Variants in N4BP2L2 observed in about 807,000 individuals in gnomAD.
N4BP2L2 encodes NEDD4 binding protein 2 like 2, also known as NEDD4-binding protein 2-like 2.
A neutral mutation model predicts 56.2 loss-of-function variants in N4BP2L2; 50 were observed. The ratio of observed to expected loss-of-function variants is 0.89; its 90% CI spans 0.71 to 1.13. N4BP2L2 has a LOEUF of 1.13. Ranked by LOEUF, N4BP2L2 falls within the 50% of genes most tolerant of loss-of-function variation. The pLI is 0.00. For synonymous variants in N4BP2L2, 203 were observed against 223.6 expected (o/e 0.91, Z 0.82); for missense variants, 689 against 693.8 (o/e 0.99, Z 0.08).
intron 6 of N4BP2L2, among the ~76,000 whole-genome samples, chr13:32,504,063 T>C (rs1416646282): frequency 6.6e-6 from 1 of 152,216 alleles, no homozygotes; most frequent in Non-Finnish European, 1.5e-5. Flanking sequence ...TCCCCTGATG[T>C]ATGTAAAACT....
At chr13:32,514,576 G>C (rs1484357388) in exon 6 of N4BP2L2, 1 of 152,120 alleles carries the variant, frequency 6.6e-6, no homozygotes, top group Non-Finnish European at 1.5e-5. Flanking sequence ...GGTAGGCTGA[G>C]GCAGGAGGAT....
intron 2 of N4BP2L2, among the ~76,000 whole-genome samples, chr13:32,530,366 T>C (rs2054369048): frequency 6.6e-6 from 1 of 152,192 alleles, no homozygotes; most frequent in Admixed American, 6.5e-5. Context: ...TAGGAATATC[T>C]GAATGTCTTA....
Position 32,514,150 on chromosome 13 carries a change from A to T in N4BP2L2, c.*3652T>A, listed in dbSNP as rs1008798081. 2.0e-5 allele frequency: 3 copies of T among 152,198 alleles called. No individual in the cohort carries two copies. The South Asian group carries it at 6.2e-4, about 31-fold the overall frequency. 9.4% of individuals were successfully genotyped at this position (152,198 alleles called of 1,614,324 possible). A position where few individuals can be genotyped will look rare whatever the true frequency, so the allele number is the denominator to read the frequency against. On this transcript the variant is annotated 3_prime_UTR_variant, in exon 6 of 6. Transcript: ENST00000267068. ...ATTAAAAAAATTCAGTCTTTTGTAA[A>T]TAATCTTACTTTTAAAACAGACAAA...
intron 6 of N4BP2L2, chr13:32,446,433 G>A: frequency 4.4e-6 from 6 of 1,357,826 alleles, no homozygotes; most frequent in Non-Finnish European, 5.9e-6. Flanking sequence ...AGACTAGTAT[G>A]TCATTCTGAA....
chr13:32,535,740 C>T (rs1477094340), intron 2 of N4BP2L2, 29 bp downstream of exon 2: 1 of 1,578,428 alleles, frequency 6.3e-7, no homozygotes, highest in East Asian at 2.2e-5. Flanking sequence ...AATGAATTAC[C>T]AAGTATTCAG....
At chr13:32,470,206 C>T (rs879754829) in intron 6 of N4BP2L2, among the ~76,000 whole-genome samples, 1 of 152,162 alleles carries the variant, frequency 6.6e-6, no homozygotes, top group Admixed American at 6.5e-5. Flanking sequence ...GACCGCTTGA[C>T]AATGGAACTG....
intron 6 of N4BP2L2, among the ~76,000 whole-genome samples, chr13:32,474,694 C>G (rs2082958733): frequency 6.6e-6 from 1 of 152,154 alleles, no homozygotes; most frequent in African/African-American, 2.4e-5. Context: ...GACTCCACCC[C>G]AGCCACCGCA....
intron 6 of N4BP2L2, among the ~76,000 whole-genome samples, chr13:32,456,958 C>A (rs745395763): frequency 6.6e-6 from 1 of 151,802 alleles, no homozygotes; most frequent in Admixed American, 6.6e-5. Flanking sequence ...CAAAGCATGG[C>A]GAAACCCTAT....
intron 6 of N4BP2L2, among the ~76,000 whole-genome samples, chr13:32,475,061 T>A (rs1434433026): frequency 6.6e-6 from 1 of 152,244 alleles, no homozygotes; most frequent in Non-Finnish European, 1.5e-5. Flanking sequence ...ACTGTCACCA[T>A]GCAGAAACTG....
At chr13:32,515,556 G>A (rs186565255) in exon 6 of N4BP2L2, 5 of 152,094 alleles carry the variant, frequency 3.3e-5, no homozygotes, top group African/African-American at 1.2e-4. Flanking sequence ...AAAATTAATT[G>A]GTAATGACGA....
At chr13:32,456,735 A>C (rs1310077177) in intron 6 of N4BP2L2, among the ~76,000 whole-genome samples, 1 of 152,240 alleles carries the variant, frequency 6.6e-6, no homozygotes, top group African/African-American at 2.4e-5. Context: ...TGACTGAAAC[A>C]AGAAATACAT....
intron 7 of N4BP2L2, among the ~76,000 whole-genome samples, chr13:32,442,206 C>G (rs2076498503): frequency 6.6e-6 from 1 of 152,186 alleles, no homozygotes; most frequent in South Asian, 2.1e-4. Flanking sequence ...AGACTACCGA[C>G]AGCAAAGGGT....
intron 6 of N4BP2L2, among the ~76,000 whole-genome samples, chr13:32,457,371 T>G (rs1216144468): frequency 6.6e-6 from 1 of 152,112 alleles, no homozygotes; most frequent in African/African-American, 2.4e-5. Context: ...GACATCTAGA[T>G]ACAGGAAGCT....
chr13:32,494,076 C>G (rs112980790), intron 6 of N4BP2L2, among the ~76,000 whole-genome samples: 6,898 of 151,856 alleles, frequency 0.045, 501 homozygotes, highest in African/African-American at 0.16. Context: ...AGTTTGAGAA[C>G]AGCCTGCTAA....
At chr13:32,533,722 G>A (rs1477285019) in intron 2 of N4BP2L2, among the ~76,000 whole-genome samples, 1 of 151,852 alleles carries the variant, frequency 6.6e-6, no homozygotes, top group Non-Finnish European at 1.5e-5. Flanking sequence ...TTTCAGGTGT[G>A]AGCCATCATG....
intron 5 of N4BP2L2, among the ~76,000 whole-genome samples, chr13:32,520,613 T>G (rs1186969918): frequency 6.7e-6 from 1 of 149,740 alleles, no homozygotes; most frequent in East Asian, 2.0e-4. Flanking sequence ...GAGCTGAGAT[T>G]GCACCACTGC....
intron 6 of N4BP2L2, among the ~76,000 whole-genome samples, chr13:32,476,631 T>TA (rs2083374556): frequency 6.6e-6 from 1 of 152,082 alleles, no homozygotes; most frequent in African/African-American, 2.4e-5. Flanking sequence ...AAAATACTGA[T>TA]ACAAATAAAA....
At chr13:32,451,968 G>A (rs374673763) in intron 6 of N4BP2L2, among the ~76,000 whole-genome samples, 32 of 152,080 alleles carry the variant, frequency 2.1e-4, no homozygotes, top group African/African-American at 6.5e-4. Flanking sequence ...AAGTTCTACC[G>A]AATATTCAAG....
chr13:32,442,799 A>T (rs777166005), exon 7 of N4BP2L2: 2 of 1,613,830 alleles, frequency 1.2e-6, no homozygotes, highest in Non-Finnish European at 1.7e-6. Context: ...CTGTTAAATG[A>T]CAGGCAATGA....
Sources: gnomAD v4.1 joint callset for allele counts (sites outside exome capture counted in the v4.1 genomes callset) on GRCh38, gnomAD v4.1.1 for gene constraint, MANE v1.5 for transcripts, NCBI Gene and HGNC (gene_info 2026-07-23, HGNC 2026-07-21) for gene names.